The following ZNF829 variants were observed in gnomAD, a reference collection of about 807,000 sequenced individuals.
ZNF829 encodes the protein zinc finger protein 829.
ZNF829 carries 25 observed loss-of-function variants against 35.2 expected under a neutral mutation model. The ratio of observed to expected loss-of-function variants is 0.71; its 90% CI spans 0.52 to 0.99. The LOEUF is 0.99. ZNF829 is among the 50% of genes least tolerant of loss of function. The probability of loss-of-function intolerance (pLI) is 0.00; values close to 1 mark genes in which losing one functional copy is unlikely to be tolerated. For missense variants in ZNF829, 417 were observed against 515.3 expected, an observed-to-expected ratio of 0.81 and a Z score of 1.85; for synonymous variants, 136 against 163.2, an observed-to-expected ratio of 0.83 and a Z score of 1.27.
At chr19:36,911,226 TC>T (rs1373317797) in intron 3 of ZNF829, among the ~76,000 whole-genome samples, 1 of 151,762 alleles carries the variant, frequency 6.6e-6, no homozygotes, top group Non-Finnish European at 1.5e-5. Context: ...TTTTTTTTTT[TC>T]TTTGAGACTG....
chr19:36,893,649 G>T (rs1305384121), intron 5 of ZNF829, among the ~76,000 whole-genome samples: 2 of 152,112 alleles, frequency 1.3e-5, no homozygotes, highest in East Asian at 3.9e-4. Context: ...CAGATATTGG[G>T]CAAATAAAAT....
In ZNF829 at chr19:36,890,552, T is replaced by C. The variant is rs2146220804; in HGVS notation, c.*940A>G. On this transcript the variant is annotated 3_prime_UTR_variant, in exon 6 of 6. Coordinates refer to ENST00000391711, the MANE Select transcript of ZNF829 (RefSeq NM_001037232.4). The stretch of plus-strand genomic sequence containing the variant: ...CTTTTTAATTTTTGTTGGTATAAAG[T>C]CTGTTTTGGCCATCACGGTGGCTCA... 1 of 152,110 alleles carries C rather than the reference T, an allele frequency of 6.6e-6. No individual in the cohort carries two copies. The highest frequency in any genetic ancestry group is 2.1e-4 in the South Asian group (1 of 4,800). 9.4% of individuals were successfully genotyped at this position (152,110 alleles called of 1,614,324 possible).
chr19:36,897,043 G>C (rs2073119659), intron 5 of ZNF829, among the ~76,000 whole-genome samples: 1 of 152,088 alleles, frequency 6.6e-6, no homozygotes, highest in Admixed American at 6.6e-5. Context: ...CCAATAACGA[G>C]TAATGAGATT....
intron 5 of ZNF829, among the ~76,000 whole-genome samples, chr19:36,898,155 C>G (rs1338516430): frequency 6.6e-6 from 1 of 151,136 alleles, no homozygotes; most frequent in Non-Finnish European, 1.5e-5. Context: ...GGAGACAGAG[C>G]AAAACTCTGT....
intron 5 of ZNF829, among the ~76,000 whole-genome samples, chr19:36,893,917 G>T (rs1009143148): frequency 6.6e-6 from 1 of 152,156 alleles, no homozygotes; most frequent in African/African-American, 2.4e-5. Flanking sequence ...TAAACTCCTT[G>T]GTAATTACCA....
At chr19:36,892,499 T>C in intron 5 of ZNF829, 28 bp from the exon 6 acceptor site, 1 of 1,532,792 alleles carries the variant, frequency 6.5e-7, no homozygotes, top group Non-Finnish European at 8.7e-7. Flanking sequence ...GGCAAATAAA[T>C]TTTCCTATTC....
At chr19:36,912,419 T>C (rs1389612898) in intron 3 of ZNF829, among the ~76,000 whole-genome samples, 1 of 152,198 alleles carries the variant, frequency 6.6e-6, no homozygotes, top group Non-Finnish European at 1.5e-5. Context: ...TTGCTTCATA[T>C]GGAATCCTGC....
rs2146224041 is a variant in ZNF829 at position 36,892,150 on chromosome 19, C to T, written c.641G>A (p.Cys214Tyr). 3.1e-6 allele frequency: 5 copies of T among 1,614,026 alleles called. No homozygotes were observed. The African/African-American group carries it at 4.0e-5, about 13-fold the overall frequency. ...RIHTGKKPYE[C>Y]KECGKAFSCS... ...ACTAAAAGCCTTGCCACATTCCTTA[C>T]ATTCATAGGGTTTTTTACCAGTGTG... The change falls in exon 6 of 6, where the codon TGT becomes TAT. Residue 214 changes from cysteine (C) to tyrosine (Y), a missense_variant. By Grantham distance (194) the Cys-to-Tyr change is radical. Transcript: ENST00000391711.
intron 3 of ZNF829, 107 bp from the exon 4 acceptor site, chr19:36,908,566 C>T: frequency 7.8e-7 from 1 of 1,287,452 alleles, no homozygotes; most frequent in Non-Finnish European, 1.1e-6. Context: ...TGAATCCTAT[C>T]ATATCAGAAG....
intron 5 of ZNF829, among the ~76,000 whole-genome samples, chr19:36,896,418 G>A (rs2146231270): frequency 6.6e-6 from 1 of 152,278 alleles, no homozygotes; most frequent in East Asian, 1.9e-4. Flanking sequence ...GGGAGGCAGA[G>A]GTTGCAGTGA....
intron 5 of ZNF829, among the ~76,000 whole-genome samples, chr19:36,901,334 C>T (rs1002637950): frequency 2.0e-5 from 3 of 152,024 alleles, no homozygotes; most frequent in Non-Finnish European, 4.4e-5. Flanking sequence ...AGAAAATCAA[C>T]TCATGGTTGC....
intron 5 of ZNF829, among the ~76,000 whole-genome samples, chr19:36,895,314 T>C (rs1376550462): frequency 6.6e-6 from 1 of 152,048 alleles, no homozygotes; most frequent in Non-Finnish European, 1.5e-5. Flanking sequence ...GTGTCCTACA[T>C]CTGGAAGTAA....
chr19:36,891,536 T>A lies in ZNF829; in HGVS notation c.1255A>T (p.Ser419Cys). Residue 419 changes from serine (S) to cysteine (C), a missense_variant, in exon 6 of 6, where the codon AGT (serine) becomes TGT (cysteine). Ser to Cys is a moderately radical substitution (Grantham distance 112). Coordinates refer to ENST00000391711, the MANE Select transcript of ZNF829 (RefSeq NM_001037232.4). ...DCKECGKAFG[S>C]RSDLIRHEGI... ...TCATGGCGAATGAGGTCAGAGCGAC[T>A]ACCAAAAGCCTTTCCACATTCCTTA... The A allele has an allele frequency of 6.3e-7, 1 of 1,599,778 alleles. No homozygotes were observed. Among genetic ancestry groups the A allele is most frequent in the Non-Finnish European group, 8.5e-7 (1 of 1,174,376 alleles).
intron 5 of ZNF829, 107 bp from the exon 6 acceptor site, chr19:36,892,578 C>G: frequency 1.6e-6 from 2 of 1,244,160 alleles, no homozygotes; most frequent in East Asian, 2.4e-5. Flanking sequence ...AGAAATTACA[C>G]AGTTTTCAAA....
At position 36,915,438 on chromosome 19, in the gene ZNF829, C is replaced by G. The variant is rs573877978; in HGVS notation, c.-84-187G>C. Among the ~76,000 whole-genome samples the G allele has an allele frequency of 1.1e-3, 171 of 152,276 alleles. 1 individual carries two copies. Among genetic ancestry groups the G allele is most frequent in the African/African-American group, 4.0e-3 (166 of 41,556 alleles). ...CACCATAGGAAACACACAATTACAG[C>G]TGCACAATCGTAGGCACCCCACACT... On this transcript the variant is annotated intron_variant, in intron 1 of 5. Coordinates refer to ENST00000391711, the MANE Select transcript of ZNF829 (RefSeq NM_001037232.4).
In ZNF829 at chr19:36,892,411, A is replaced by G; in HGVS notation, c.380T>C (p.Val127Ala). The change falls in exon 6 of 6, where the codon GTA becomes GCA. Residue 127 changes from valine to alanine, a missense_variant. Coordinates refer to ENST00000391711, the MANE Select transcript of ZNF829 (RefSeq NM_001037232.4). ...LSLKKRHFSQVIITREDMSTF... is the reference protein window; with the variant it reads ...LSLKKRHFSQAIITREDMSTF... ...AGACATGTCTTCACGGGTAATTATT[A>G]CTTGACTGAAATGTCTCTTCTTTAG... 6 of 1,610,664 alleles carry G rather than the reference A, an allele frequency of 3.7e-6. No homozygotes were observed. Among genetic ancestry groups the G allele is most frequent in the Non-Finnish European group, 5.1e-6 (6 of 1,179,592 alleles).
Position 36,891,529 on chromosome 19 carries a change from G to A in ZNF829, c.1262C>T (p.Ser421Phe). The change falls in exon 6 of 6, where the codon TCT (serine) becomes TTT (phenylalanine). Residue 421 changes from serine to phenylalanine, a missense_variant. Physicochemically the swap from Ser to Phe is radical, Grantham distance 155. Transcript: ENST00000391711. ...KECGKAFGSR[S>F]DLIRHEGIHT... ...AATTCCCTCATGGCGAATGAGGTCA[G>A]AGCGACTACCAAAAGCCTTTCCACA... The A allele has an allele frequency of 3.1e-6, 5 of 1,596,908 alleles. No individual in the cohort carries two copies. The highest frequency in any genetic ancestry group is 3.4e-6 in the Non-Finnish European group (4 of 1,172,984).
chr19:36,906,793 T>G (rs2073219251), intron 5 of ZNF829: 1 of 151,978 alleles, frequency 6.6e-6, no homozygotes, highest in African/African-American at 2.4e-5. Flanking sequence ...TTAAAAAATA[T>G]TCATAGAATG....
chr19:36,909,761 T>C (rs62115574), intron 3 of ZNF829, among the ~76,000 whole-genome samples: 24,379 of 150,070 alleles, frequency 0.16, 2,504 homozygotes, highest in African/African-American at 0.28. Flanking sequence ...GAGCCAAGAT[T>C]GCGCCACTGC....
Sources: gnomAD v4.1 joint callset for allele counts (sites outside exome capture counted in the v4.1 genomes callset) on GRCh38, gnomAD v4.1.1 for gene constraint, MANE v1.5 for transcripts, NCBI Gene and HGNC (gene_info 2026-07-23, HGNC 2026-07-21) for gene names.